MMRN2: variants seen among roughly 807,000 people sequenced by gnomAD.
MMRN2 encodes multimerin 2, also known as multimerin-2.
MMRN2 carries 53 observed loss-of-function variants against 68.8 expected under a neutral mutation model. The ratio of observed to expected loss-of-function variants is 0.77; its 90% CI spans 0.62 to 0.97. The LOEUF (loss-of-function observed/expected upper bound fraction) is 0.97, where lower values mean the gene tolerates loss of function less well. Ranked by LOEUF, MMRN2 falls within the 50% of genes least tolerant of loss-of-function variation. The pLI is 0.00. For synonymous variants in MMRN2, 564 were observed against 551.6 expected (o/e 1.02, Z -0.32); for missense variants, 1,266 against 1,259.5 (o/e 1.01, Z -0.08).
chr10:86,944,923 C>T (rs1484380914), intron 4 of MMRN2, among the ~76,000 whole-genome samples: 5 of 152,086 alleles, frequency 3.3e-5, no homozygotes, highest in Non-Finnish European at 5.9e-5. Context: ...TGTGGTTCAG[C>T]GGGGCAAGGA....
intron 1 of MMRN2, among the ~76,000 whole-genome samples, chr10:86,955,137 C>G (rs1162278334): frequency 6.6e-6 from 1 of 152,176 alleles, no homozygotes; most frequent in African/African-American, 2.4e-5. Flanking sequence ...CTCTGTGGCC[C>G]TGGGAGGCGT....
intron 1 of MMRN2, chr10:86,949,001 C>T (rs1317095923): frequency 6.6e-6 from 1 of 152,190 alleles, no homozygotes; most frequent in Non-Finnish European, 1.5e-5. Flanking sequence ...ACTTCAATTT[C>T]CAGATTAAAA....
chr10:86,939,806 G>GGGGT (rs1281146220), intron 6 of MMRN2, among the ~76,000 whole-genome samples: 1 of 146,626 alleles, frequency 6.8e-6, no homozygotes, highest in Non-Finnish European at 1.5e-5. Flanking sequence ...GGAAATTTGG[G>GGGGT]GTGTGTGTGT....
At chr10:86,949,287 G>A (rs1326215936) in intron 1 of MMRN2, 1 of 152,162 alleles carries the variant, frequency 6.6e-6, no homozygotes, top group Non-Finnish European at 1.5e-5. Context: ...AACCAGTGTG[G>A]GGAGTGAGAA....
At chr10:86,952,674 G>A (rs1253433211) in intron 1 of MMRN2, among the ~76,000 whole-genome samples, 1 of 152,186 alleles carries the variant, frequency 6.6e-6, no homozygotes, top group African/African-American at 2.4e-5. Flanking sequence ...ATATGCTTCT[G>A]AGGAAACGGG....
chr10:86,952,607 G>T (rs986588524), intron 1 of MMRN2, among the ~76,000 whole-genome samples: 6 of 152,194 alleles, frequency 3.9e-5, no homozygotes, highest in African/African-American at 1.4e-4. Context: ...AGGGGAGGGG[G>T]TGTATGAACA....
Position 86,942,962 on chromosome 10 carries a change from C to G in MMRN2, c.1822G>C (p.Ala608Pro). 1 of 1,497,236 alleles carries G rather than the reference C, an allele frequency of 6.7e-7. No individual in the cohort carries two copies. The allele number at this position is 1,497,236 out of a possible 1,614,324, so 92.7% of individuals were successfully genotyped here. ...TCCCCGAAGAGCGCGGCCAGCACCG[C>G]CTCGTGCCGCAGCGCGTCCTCCAGC... ...ALLEDALRHE[A>P]VLAALFGEEV... is the part of the protein sequence containing the mutation. Residue 608 changes from alanine to proline, a missense_variant, in exon 6 of 7, where the codon GCG (alanine) becomes CCG (proline). By Grantham distance (27) the Ala-to-Pro change is conservative. Transcript: ENST00000372027.
rs763827897 is a variant in MMRN2 at position 86,942,335 on chromosome 10, C to T, written c.2449G>A (p.Ala817Thr). The change falls in exon 6 of 7, where the codon GCG becomes ACG. Residue 817 changes from alanine to threonine, a missense_variant. Ala to Thr is a moderately conservative substitution (Grantham distance 58). Coordinates refer to ENST00000372027, the MANE Select transcript of MMRN2 (RefSeq NM_024756.3). ...VTGPVPGALG[A>T]ALWEAGSPVA... The stretch of plus-strand genomic sequence containing the variant: ...AACTCACCTGCCTCCCAGAGCGCCG[C>T]GCCCAAGGCACCTGGCACAGGCCCT... 7.4e-6 allele frequency: 12 copies of T among 1,611,678 alleles called. No homozygotes were observed. Among genetic ancestry groups the T allele is most frequent in the South Asian group, 2.2e-5 (2 of 90,812 alleles).
In MMRN2 at chr10:86,945,541, G is replaced by A; in HGVS notation, c.293+20C>T. The A allele has an allele frequency of 6.4e-7, 1 of 1,574,198 alleles. No individual in the cohort carries two copies. Among genetic ancestry groups the A allele is most frequent in the Non-Finnish European group, 8.6e-7 (1 of 1,159,088 alleles). On this transcript the variant is annotated intron_variant, in intron 2 of 6. Coordinates refer to ENST00000372027, the MANE Select transcript of MMRN2 (RefSeq NM_024756.3). ...GGCCCGCTCCAGGCCTGGGCAAATGGCCCACCCTCCCCTACTCACATGACT... is the reference window on the plus strand; with the variant it reads ...GGCCCGCTCCAGGCCTGGGCAAATGACCCACCCTCCCCTACTCACATGACT...
intron 6 of MMRN2, among the ~76,000 whole-genome samples, chr10:86,938,702 A>G (rs1328693554): frequency 2.0e-5 from 3 of 152,254 alleles, no homozygotes; most frequent in Non-Finnish European, 4.4e-5. Context: ...CCTTCAGAGG[A>G]GCAGTTTGCT....
chr10:86,944,012 C>A lies in MMRN2; in HGVS notation c.772G>T (p.Ala258Ser). The A allele has an allele frequency of 6.2e-7, 1 of 1,614,092 alleles. No individual in the cohort carries two copies. Among genetic ancestry groups the A allele is most frequent in the Non-Finnish European group, 8.5e-7 (1 of 1,180,038 alleles). The change falls in exon 6 of 7, where the codon GCC becomes TCC. Residue 258 changes from alanine (A) to serine (S), a missense_variant. Coordinates refer to ENST00000372027, the MANE Select transcript of MMRN2 (RefSeq NM_024756.3). ...ACGTCAAGAGACAGGTTTCTTATGG[C>A]CTGGGTAAGGCTGTGCAGGCTTTGG... ...FNQSLHSLTQ[A>S]IRNLSLDVEA...
intron 3 of MMRN2, 49 bp downstream of exon 3, chr10:86,945,321 C>T (rs774659255): frequency 6.2e-7 from 1 of 1,610,368 alleles, no homozygotes; most frequent in African/African-American, 1.3e-5. Context: ...AGCTGCTTGA[C>T]CTTGGGGATC....
In MMRN2 at chr10:86,936,404, C is replaced by A; in HGVS notation, c.*339G>T. On this transcript the variant is annotated 3_prime_UTR_variant, in exon 7 of 7. Coordinates refer to ENST00000372027, the MANE Select transcript of MMRN2 (RefSeq NM_024756.3). The stretch of plus-strand genomic sequence containing the variant: ...GTTTAAAGTGTTGTACAGAAGTTTC[C>A]AACCACAGGAGGAGCAAAACACCAA... 2.2e-6 allele frequency: 1 copy of A among 463,886 alleles called. No individual in the cohort carries two copies. Among genetic ancestry groups the A allele is most frequent in the Non-Finnish European group, 3.8e-6 (1 of 265,174 alleles). The allele number at this position is 463,886 out of a possible 1,614,324, so 28.7% of individuals were successfully genotyped here.
chr10:86,941,327 A>G (rs1717710977), intron 6 of MMRN2, among the ~76,000 whole-genome samples: 1 of 152,232 alleles, frequency 6.6e-6, no homozygotes, highest in African/African-American at 2.4e-5. Flanking sequence ...CTCTATGTAC[A>G]TACCTATGCC....
chr10:86,947,841 G>A (rs1334047013), intron 1 of MMRN2, among the ~76,000 whole-genome samples: 3 of 152,174 alleles, frequency 2.0e-5, no homozygotes, highest in Non-Finnish European at 4.4e-5. Context: ...GACAAAATGG[G>A]TAAGAAAGGA....
rs112554066 is a variant in MMRN2, at chr10:86,957,459, C to A, written c.83G>T (p.Ser28Ile). ...LGAWAQASSTSLSDLQSSRTP... is the reference protein window; with the variant it reads ...LGAWAQASSTILSDLQSSRTP... Reference sequence around the variant, plus strand: ...CCTGGAGCTCTGCAGATCAGAGAGGCTAGTACTGGAAGCCTGGGCCCATGC... The same window carrying A: ...CCTGGAGCTCTGCAGATCAGAGAGGATAGTACTGGAAGCCTGGGCCCATGC... The change falls in exon 1 of 7, where the codon AGC becomes ATC. Residue 28 changes from serine to isoleucine, a missense_variant. Transcript: ENST00000372027. 6.2e-7 allele frequency: 1 copy of A among 1,613,658 alleles called. No individual in the cohort carries two copies.
chr10:86,938,508 A>C (rs1191925722), intron 6 of MMRN2, among the ~76,000 whole-genome samples: 1 of 152,240 alleles, frequency 6.6e-6, no homozygotes, highest in Non-Finnish European at 1.5e-5. Flanking sequence ...CTGCCTGGAC[A>C]GCATGGTTGG....
In MMRN2 at chr10:86,943,911, G is replaced by A. The variant is rs1304351831; in HGVS notation, c.873C>T (p.Ala291=). Residue 291 remains alanine, a synonymous_variant, in exon 6 of 7, where the codon GCC becomes GCT. Transcript: ENST00000372027. The surrounding 1 kb of genome is among the most constrained non-coding windows in gnomAD (Gnocchi z 4.2). The part of the protein sequence containing the change: ...VARADFQELG[A]KFEAKVQENT... ...TCTCCTGGACCTTGGCCTCAAATTTGGCACCAAGCTCCTGGAAGTCAGCCC... is the reference window on the plus strand; with the variant it reads ...TCTCCTGGACCTTGGCCTCAAATTTAGCACCAAGCTCCTGGAAGTCAGCCC... 1.2e-6 allele frequency: 2 copies of A among 1,614,066 alleles called. No individual in the cohort carries two copies. The highest frequency in any genetic ancestry group is 1.7e-6 in the Non-Finnish European group (2 of 1,180,032).
chr10:86,943,093 A>C lies in MMRN2; in HGVS notation c.1691T>G (p.Leu564Arg). Reference protein sequence around the residue: ...GERARAATSRLRSQVQALDDE... With the variant: ...GERARAATSRRRSQVQALDDE... ...ATCCAGCGCCTGCACTTGGCTCCGG[A>C]GCCGCGACGTGGCCGCCCGCGCCCG... The change falls in exon 6 of 7, where the codon CTC (leucine) becomes CGC (arginine). Residue 564 changes from leucine to arginine, a missense_variant. By Grantham distance (102) the Leu-to-Arg change is moderately radical. Transcript: ENST00000372027. This position sits in a 1 kb window ranked among gnomAD's most constrained non-coding sequence, Gnocchi z 4.2. The C allele has an allele frequency of 2.1e-6, 3 of 1,452,896 alleles. No homozygotes were observed. Among genetic ancestry groups the C allele is most frequent in the Non-Finnish European group, 2.7e-6 (3 of 1,112,024 alleles). The allele number at this position is 1,452,896 out of a possible 1,614,324, so 90.0% of individuals were successfully genotyped here. A position where few individuals can be genotyped will look rare whatever the true frequency, so the allele number is the denominator to read the frequency against.
Sources: allele counts gnomAD v4.1 joint callset (sites outside exome capture counted in the v4.1 genomes callset), GRCh38; gene constraint gnomAD v4.1.1; non-coding constraint Gnocchi (gnomAD v3.1); transcripts MANE v1.5; gene names NCBI Gene and HGNC (gene_info 2026-07-23, HGNC 2026-07-21).